ZNF341: variants seen among roughly 807,000 people sequenced by gnomAD.
ZNF341 encodes zinc finger protein 341.
In ZNF341, 52 loss-of-function variants were observed where a neutral mutation model predicts 87.7. The observed-to-expected ratio is 0.59, with a 90% confidence interval of 0.47 to 0.75. The LOEUF (loss-of-function observed/expected upper bound fraction) is 0.75. Among genes scored for constraint, ZNF341 ranks in the 30% least tolerant of loss-of-function variants. The pLI is 0.00. For synonymous variants in ZNF341, 459 were observed against 472.7 expected, an observed-to-expected ratio of 0.97 and a Z score of 0.38; for missense variants, 977 against 1,145.9, an observed-to-expected ratio of 0.85 and a Z score of 2.13.
intron 9 of ZNF341, among the ~76,000 whole-genome samples, chr20:33,768,118 G>T (rs989432857): frequency 6.9e-5 from 9 of 130,436 alleles, no homozygotes; most frequent in Non-Finnish European, 1.3e-4. Context: ...AGGGAACCAG[G>T]ATCAAGTGTT....
At chr20:33,744,108 C>A (rs2018866243) in intron 2 of ZNF341, among the ~76,000 whole-genome samples, 1 of 152,046 alleles carries the variant, frequency 6.6e-6, no homozygotes. Flanking sequence ...CGTGGTGAAA[C>A]CCCGTCTCTA....
chr20:33,767,272 C>T (rs879329019), intron 9 of ZNF341, among the ~76,000 whole-genome samples: 2 of 152,178 alleles, frequency 1.3e-5, no homozygotes, highest in Admixed American at 6.5e-5. Context: ...CTGACTCCAC[C>T]CAGCGTAAGG....
chr20:33,775,398 G>T (rs1465422269), intron 10 of ZNF341, among the ~76,000 whole-genome samples: 1 of 151,594 alleles, frequency 6.6e-6, no homozygotes, highest in Admixed American at 6.6e-5. Context: ...TTTTAGTAGA[G>T]ACGGGGTTTC....
chr20:33,740,219 G>C (rs1286611250), intron 1 of ZNF341, among the ~76,000 whole-genome samples: 4 of 151,954 alleles, frequency 2.6e-5, no homozygotes, highest in Non-Finnish European at 5.9e-5. Flanking sequence ...CAGGATGGTG[G>C]ATTGAGTTGC....
chr20:33,759,118 GAA>G (rs2019240435), intron 7 of ZNF341, among the ~76,000 whole-genome samples: 1 of 152,214 alleles, frequency 6.6e-6, no homozygotes, highest in Non-Finnish European at 1.5e-5. Flanking sequence ...CCCCTCTGCA[GAA>G]CAGGCTGGCC....
intron 11 of ZNF341, 127 bp from the exon 12 acceptor site, chr20:33,783,605 T>A: frequency 1.5e-6 from 2 of 1,341,236 alleles, no homozygotes; most frequent in Non-Finnish European, 2.1e-6. Context: ...TTCTGGGTCC[T>A]GGCCCCTGAT....
Position 33,762,028 on chromosome 20 carries a change from A to G in ZNF341, c.1195A>G (p.Ser399Gly). 1 of 1,570,062 alleles carries G rather than the reference A, an allele frequency of 6.4e-7. No homozygotes were observed. The part of the protein sequence containing the change: ...VTVQVMALNP[S>G]RQEDEESTGL... ...CGTACAGGTCATGGCCCTGAACCCC[A>G]GCAGGCAGGAGGACGAGGAAAGCAC... Residue 399 changes from serine (S) to glycine (G), a missense_variant, in exon 8 of 15, where the codon AGC becomes GGC. Physicochemically the swap from Ser to Gly is moderately conservative, Grantham distance 56. Around this residue, in one of 3 missense-constraint regions of ZNF341, gnomAD observed 515 missense variants for 598.2 expected, o/e 0.86. Coordinates refer to ENST00000375200, the MANE Select transcript of ZNF341 (RefSeq NM_001282933.2).
chr20:33,748,313 G>C (rs990366622), intron 3 of ZNF341, among the ~76,000 whole-genome samples: 1 of 151,898 alleles, frequency 6.6e-6, no homozygotes, highest in African/African-American at 2.4e-5. Context: ...CTCGTGATCT[G>C]CCCGCCTCAG....
At chr20:33,751,552 G>A (rs2019055481) in intron 4 of ZNF341, among the ~76,000 whole-genome samples, 3 of 152,042 alleles carry the variant, frequency 2.0e-5, no homozygotes, top group Non-Finnish European at 4.4e-5. Flanking sequence ...AGACTCCAAA[G>A]CCAGGGTTTT....
At chr20:33,737,609 C>T (rs889033783) in intron 1 of ZNF341, among the ~76,000 whole-genome samples, 1 of 152,176 alleles carries the variant, frequency 6.6e-6, no homozygotes, top group African/African-American at 2.4e-5. Flanking sequence ...GCGTGAGCCA[C>T]CATGCCCAGC....
chr20:33,781,165 G>A, intron 10 of ZNF341, 126 bp from the exon 11 acceptor site: 1 of 736,926 alleles, frequency 1.4e-6, no homozygotes, highest in Non-Finnish European at 2.4e-6. Flanking sequence ...ATTGAGAAGA[G>A]TGGATGGATT....
chr20:33,740,524 G>A (rs1273615151), intron 1 of ZNF341, among the ~76,000 whole-genome samples: 1 of 152,110 alleles, frequency 6.6e-6, no homozygotes, highest in Non-Finnish European at 1.5e-5. Context: ...CTTGAGACAG[G>A]GTCTTGCTCT....
In ZNF341 at chr20:33,757,143, C is replaced by T. The variant is rs2122674662; in HGVS notation, c.742-5C>T. On this transcript the variant is annotated splice_polypyrimidine_tract_variant and splice_region_variant and intron_variant, in intron 5 of 14. Transcript: ENST00000375200. The stretch of plus-strand genomic sequence containing the variant: ...GCTTTTTCCCTGACTGTGTTGTCCT[C>T]CTAGGTGCCAAACCAGTGTGTGGAG... 1 of 1,408,440 alleles carries T rather than the reference C, an allele frequency of 7.1e-7. No individual in the cohort carries two copies. Among genetic ancestry groups the T allele is most frequent in the Non-Finnish European group, 9.3e-7 (1 of 1,072,782 alleles). The allele number at this position is 1,408,440 out of a possible 1,614,324, so 87.2% of individuals were successfully genotyped here.
intron 2 of ZNF341, among the ~76,000 whole-genome samples, chr20:33,744,363 G>A (rs1429361198): frequency 1.3e-5 from 2 of 152,256 alleles, no homozygotes; most frequent in African/African-American, 2.4e-5. Flanking sequence ...GTCAAGCTGA[G>A]GCTTGCAGAA....
chr20:33,774,281 G>T (rs1036138456), intron 10 of ZNF341, among the ~76,000 whole-genome samples: 1 of 152,134 alleles, frequency 6.6e-6, no homozygotes, highest in Non-Finnish European at 1.5e-5. Flanking sequence ...GGGTGACAGA[G>T]AGAGAGACTC....
chr20:33,788,824 C>G, intron 12 of ZNF341, 39 bp from the exon 13 acceptor site: 1 of 1,585,432 alleles, frequency 6.3e-7, no homozygotes, highest in South Asian at 1.1e-5. Flanking sequence ...ATGCCGACTC[C>G]TGGTGAGTGC....
chr20:33,788,564 A>G (rs567671278), intron 12 of ZNF341: 25 of 428,988 alleles, frequency 5.8e-5, no homozygotes, highest in Non-Finnish European at 1.0e-4. Flanking sequence ...GCACCGCCAA[A>G]CGCACTCCTG....
chr20:33,780,557 G>A (rs137861645), intron 10 of ZNF341, among the ~76,000 whole-genome samples: 25 of 152,038 alleles, frequency 1.6e-4, no homozygotes, highest in African/African-American at 4.8e-4. Context: ...ACAGGTCCAC[G>A]CTACCACGCC....
intron 10 of ZNF341, among the ~76,000 whole-genome samples, chr20:33,776,740 C>T (rs756372996): frequency 6.6e-6 from 1 of 152,108 alleles, no homozygotes; most frequent in Non-Finnish European, 1.5e-5. Context: ...TAGAGTGCAT[C>T]AGCTATTCAC....
Sources: allele counts gnomAD v4.1 joint callset (sites outside exome capture counted in the v4.1 genomes callset), GRCh38; gene constraint gnomAD v4.1.1; regional missense constraint gnomAD v4.1.1; transcripts MANE v1.5; gene names NCBI Gene and HGNC (gene_info 2026-07-23, HGNC 2026-07-21).